The following NRG1 variants were observed in gnomAD, a reference collection of about 807,000 sequenced individuals.
The protein encoded by NRG1 is pro-neuregulin-1, membrane-bound isoform.
Under a neutral mutation model 63.8 loss-of-function variants are expected in NRG1, and 18 were observed. The ratio of observed to expected loss-of-function variants is 0.28; its 90% CI spans 0.19 to 0.42. The LOEUF (loss-of-function observed/expected upper bound fraction) is 0.42. Ranked by LOEUF, NRG1 falls within the 10% of genes least tolerant of loss-of-function variation. The probability of loss-of-function intolerance (pLI) is 1.00; values close to 1 mark genes in which losing one functional copy is unlikely to be tolerated. For synonymous variants in NRG1, 302 were observed against 301.3 expected (o/e 1.00, Z -0.02); for missense variants, 762 against 814.7 (o/e 0.94, Z 0.79).
intron 1 of NRG1, among the ~76,000 whole-genome samples, chr8:31,789,102 T>C (rs915399484): frequency 1.3e-5 from 2 of 152,218 alleles, no homozygotes; most frequent in African/African-American, 4.8e-5. Context: ...TCCACCTTTC[T>C]GGGTCTCAAG....
At chr8:32,352,388 G>A (rs927344532) in intron 1 of NRG1, among the ~76,000 whole-genome samples, 1 of 147,438 alleles carries the variant, frequency 6.8e-6, no homozygotes, top group Non-Finnish European at 1.5e-5. Context: ...AATGTTAGAC[G>A]GGATTATCTA....
intron 1 of NRG1, among the ~76,000 whole-genome samples, chr8:31,781,084 T>A (rs1819636576): frequency 6.6e-6 from 1 of 152,204 alleles, no homozygotes; most frequent in Admixed American, 6.5e-5. Context: ...TGGCTTTTTT[T>A]TTGACTTGCA....
chr8:31,647,346 G>C (rs1043546644), intron 1 of NRG1, among the ~76,000 whole-genome samples: 8 of 152,202 alleles, frequency 5.3e-5, no homozygotes, highest in African/African-American at 1.7e-4. Context: ...ACCTGCAGGT[G>C]GGGTGGCATG....
chr8:32,306,862 C>T (rs190224248), intron 1 of NRG1, among the ~76,000 whole-genome samples: 56 of 152,280 alleles, frequency 3.7e-4, no homozygotes, highest in African/African-American at 1.3e-3. Flanking sequence ...TCCAGTGATT[C>T]GTGATCTGGG....
chr8:32,767,424 T>C (rs1431862249), exon 12 of NRG1: 2 of 152,338 alleles, frequency 1.3e-5, no homozygotes, highest in East Asian at 3.9e-4. Context: ...GCCAGAGATT[T>C]CTATCTGCGA....
intron 5 of NRG1, among the ~76,000 whole-genome samples, chr8:32,671,803 T>A (rs1805701913): frequency 6.6e-6 from 1 of 152,206 alleles, no homozygotes; most frequent in African/African-American, 2.4e-5. Context: ...ACAATTCAGT[T>A]AGTAAATTCA....
intron 1 of NRG1, among the ~76,000 whole-genome samples, chr8:31,982,125 C>G (rs147252492): frequency 6.6e-6 from 1 of 152,002 alleles, no homozygotes; most frequent in African/African-American, 2.4e-5. Flanking sequence ...GTGGCAGGAT[C>G]ATTTGGTACC....
intron 1 of NRG1, among the ~76,000 whole-genome samples, chr8:32,504,846 A>G (rs1828338243): frequency 6.6e-6 from 1 of 152,200 alleles, no homozygotes; most frequent in Non-Finnish European, 1.5e-5. Context: ...TAATAATTTA[A>G]TGTAGACAGT....
chr8:32,522,150 C>A (rs1212517569), intron 1 of NRG1, among the ~76,000 whole-genome samples: 1 of 152,136 alleles, frequency 6.6e-6, no homozygotes, highest in Non-Finnish European at 1.5e-5. Context: ...TGAAGTGTGT[C>A]CTACTGTGCC....
chr8:32,507,037 T>C (rs1468372878), intron 1 of NRG1, among the ~76,000 whole-genome samples: 1 of 152,146 alleles, frequency 6.6e-6, no homozygotes, highest in Non-Finnish European at 1.5e-5. Context: ...TACTTTAGGG[T>C]TGAAAAAAAC....
intron 1 of NRG1, among the ~76,000 whole-genome samples, chr8:32,522,198 G>A (rs1055689239): frequency 6.6e-6 from 1 of 152,120 alleles, no homozygotes; most frequent in Non-Finnish European, 1.5e-5. Context: ...AGAGAGCCAC[G>A]CTGTCTTGCT....
intron 1 of NRG1, among the ~76,000 whole-genome samples, chr8:31,916,860 G>A (rs1270497741): frequency 6.6e-6 from 1 of 151,298 alleles, no homozygotes. Flanking sequence ...ATCCTCTCCA[G>A]CACCTGTTCT....
At chr8:31,731,540 G>C (rs1258076305) in intron 1 of NRG1, among the ~76,000 whole-genome samples, 1 of 151,734 alleles carries the variant, frequency 6.6e-6, no homozygotes, top group East Asian at 1.9e-4. Flanking sequence ...AATACTTTTG[G>C]TCATACAGGA....
At chr8:31,852,875 C>T in intron 1 of NRG1, among the ~76,000 whole-genome samples, 1 of 152,120 alleles carries the variant, frequency 6.6e-6, no homozygotes, top group East Asian at 1.9e-4. Flanking sequence ...GAATCCTTTC[C>T]CCATTGCTTG....
chr8:31,684,632 A>G (rs1808673590), intron 1 of NRG1, among the ~76,000 whole-genome samples: 1 of 152,180 alleles, frequency 6.6e-6, no homozygotes, highest in South Asian at 2.1e-4. Flanking sequence ...AACCACTATT[A>G]CTTTCAACCT....
At chr8:32,304,093 C>T (rs143031325) in intron 1 of NRG1, among the ~76,000 whole-genome samples, 1 of 152,284 alleles carries the variant, frequency 6.6e-6, no homozygotes, top group Non-Finnish European at 1.5e-5. Flanking sequence ...ATTTTAGAAA[C>T]GTTCATGAGT....
intron 1 of NRG1, among the ~76,000 whole-genome samples, chr8:32,157,028 G>A (rs531603310): frequency 1.0e-4 from 15 of 150,532 alleles, no homozygotes; most frequent in African/African-American, 3.4e-4. Context: ...GCTCCAAAAA[G>A]AAATACTTCA....
intron 1 of NRG1, among the ~76,000 whole-genome samples, chr8:31,844,261 G>A (rs1481642304): frequency 1.3e-5 from 2 of 152,176 alleles, no homozygotes; most frequent in Non-Finnish European, 2.9e-5. Context: ...AGCTAAGGGA[G>A]TATCGCTGTG....
intron 1 of NRG1, among the ~76,000 whole-genome samples, chr8:31,751,668 C>T (rs16878244): frequency 3.7e-3 from 559 of 152,006 alleles, no homozygotes; most frequent in African/African-American, 0.012. Context: ...CACAGACAGA[C>T]TTTCACTTCA....
Sources: gnomAD v4.1 joint callset for allele counts (sites outside exome capture counted in the v4.1 genomes callset) on GRCh38, gnomAD v4.1.1 for gene constraint, MANE v1.5 for transcripts, NCBI Gene and HGNC (gene_info 2026-07-23, HGNC 2026-07-21) for gene names.